Variants in RAP1GAP2 observed in about 807,000 individuals in gnomAD.
The protein encoded by RAP1GAP2 is rap1 GTPase-activating protein 2.
In RAP1GAP2, 27 loss-of-function variants were observed where a neutral mutation model predicts 95.0. The observed-to-expected ratio is 0.28, with a 90% CI of 0.21 to 0.39. RAP1GAP2 has a LOEUF of 0.39. Ranked by LOEUF, RAP1GAP2 falls within the 10% of genes least tolerant of loss-of-function variation. The pLI, the probability that RAP1GAP2 is intolerant of heterozygous loss-of-function variation, is 1.00. For missense variants in RAP1GAP2, 771 were observed against 970.0 expected, an observed-to-expected ratio of 0.79 and a Z score of 2.72; for synonymous variants, 373 against 380.9, an observed-to-expected ratio of 0.98 and a Z score of 0.24.
intron 1 of RAP1GAP2, among the ~76,000 whole-genome samples, chr17:2,770,088 AAAAAAAG>A (rs906513318): frequency 2.7e-5 from 4 of 150,648 alleles, no homozygotes; most frequent in African/African-American, 9.9e-5. Context: ...AAAAAAAAAA[AAAAAAAG>A]AAGAAGAAAG....
chr17:2,996,938 A>G (rs922418151), intron 13 of RAP1GAP2, among the ~76,000 whole-genome samples: 5 of 152,230 alleles, frequency 3.3e-5, no homozygotes, highest in Non-Finnish European at 7.3e-5. Flanking sequence ...GAACAAATGC[A>G]TAGACAGGCA....
chr17:3,031,850 G>A (rs1401107048), intron 23 of RAP1GAP2, among the ~76,000 whole-genome samples: 2 of 139,050 alleles, frequency 1.4e-5, no homozygotes, highest in Admixed American at 1.4e-4. Context: ...CCAGACTATC[G>A]AGAGCTCCAG....
intron 2 of RAP1GAP2, among the ~76,000 whole-genome samples, chr17:2,819,220 C>G (rs1483635765): frequency 6.6e-6 from 1 of 151,880 alleles, no homozygotes; most frequent in African/African-American, 2.4e-5. Flanking sequence ...CGGGGTTTCA[C>G]CGTGTTAGCC....
chr17:2,788,165 G>A (rs985486063), intron 1 of RAP1GAP2, among the ~76,000 whole-genome samples: 4 of 152,080 alleles, frequency 2.6e-5, no homozygotes, highest in African/African-American at 9.7e-5. Context: ...TTGATAGAGT[G>A]TATTAGTCAG....
Position 2,904,034 on chromosome 17 carries a change from C to T in RAP1GAP2, c.81-1250C>T, listed in dbSNP as rs539704077. 8.5e-5 allele frequency among the ~76,000 whole-genome samples: 13 copies of T among 152,228 alleles called. No individual in the cohort carries two copies. The highest frequency in any genetic ancestry group is 6.8e-3 in the Middle Eastern group (2 of 294). On this transcript the variant is annotated intron_variant, in intron 2 of 24. Transcript: ENST00000254695. The surrounding 1 kb of genome is among the most constrained non-coding windows in gnomAD (Gnocchi z 4.7). ...GCAGTGGGGGTGCTTTGATCATTTA[C>T]GCAGGACCTGGGGGTTGGGCTGACT...
At chr17:2,985,138 A>G in intron 11 of RAP1GAP2, 72 bp downstream of exon 11, 3 of 1,599,718 alleles carry the variant, frequency 1.9e-6, no homozygotes, top group Non-Finnish European at 2.6e-6. Context: ...ATCCCCACCC[A>G]GAACACAGGA....
chr17:2,812,566 C>A, intron 2 of RAP1GAP2, among the ~76,000 whole-genome samples: 1 of 152,000 alleles, frequency 6.6e-6, no homozygotes, highest in Non-Finnish European at 1.5e-5. Flanking sequence ...GTAGGGACCC[C>A]CAGCCCCCAT....
At chr17:2,767,884 C>T (rs1018916987) in intron 1 of RAP1GAP2, among the ~76,000 whole-genome samples, 10 of 152,006 alleles carry the variant, frequency 6.6e-5, no homozygotes, top group African/African-American at 2.2e-4. Flanking sequence ...AGGTACCTGC[C>T]ACCACGCCCA....
chr17:2,808,869 G>T (rs1374190033), intron 2 of RAP1GAP2, among the ~76,000 whole-genome samples: 1 of 152,134 alleles, frequency 6.6e-6, no homozygotes, highest in Admixed American at 6.5e-5. Context: ...GGACGTGAGC[G>T]CTGAGGGCCC....
chr17:2,886,161 G>GTGTGTGTA (rs1474586782), intron 2 of RAP1GAP2, among the ~76,000 whole-genome samples: 1 of 124,678 alleles, frequency 8.0e-6, no homozygotes. Flanking sequence ...GTGTGTGTGT[G>GTGTGTGTA]TATATATATA....
chr17:2,810,671 C>T (rs1374374914), intron 2 of RAP1GAP2, among the ~76,000 whole-genome samples: 1 of 151,906 alleles, frequency 6.6e-6, no homozygotes, highest in Non-Finnish European at 1.5e-5. Flanking sequence ...GCTGGGATTA[C>T]AGGCATGCGC....
chr17:2,922,280 G>T (rs1280060712), intron 3 of RAP1GAP2, among the ~76,000 whole-genome samples: 1 of 152,186 alleles, frequency 6.6e-6, no homozygotes, highest in African/African-American at 2.4e-5. Context: ...CCGTTCCCGA[G>T]GGTGGAACCT....
At chr17:2,814,317 G>A (rs2069905673) in intron 2 of RAP1GAP2, among the ~76,000 whole-genome samples, 1 of 152,124 alleles carries the variant, frequency 6.6e-6, no homozygotes, top group East Asian at 1.9e-4. Context: ...GCAGCCCGAG[G>A]GTGGAACTTG....
chr17:2,786,356 C>T (rs2068774668), intron 1 of RAP1GAP2, among the ~76,000 whole-genome samples: 1 of 152,262 alleles, frequency 6.6e-6, no homozygotes, highest in African/African-American at 2.4e-5. Flanking sequence ...TTCCCCCTCC[C>T]TTCAACCCCT....
chr17:2,761,690 G>T (rs2071251442), intron 1 of RAP1GAP2, among the ~76,000 whole-genome samples: 1 of 152,184 alleles, frequency 6.6e-6, no homozygotes, highest in South Asian at 2.1e-4. Flanking sequence ...AGAATTCAAG[G>T]ATGCTCTAGT....
rs184209654 is a variant in RAP1GAP2 at position 3,028,210 on chromosome 17, C to G, written c.2107+1140C>G. On this transcript the variant is annotated intron_variant, in intron 22 of 24. Transcript: ENST00000254695. ...AAGATGAAAGGAGCTCATGCTTGTA[C>G]GAGGCCTGGAACTGTTAACCTCGGT... is the stretch of plus-strand genomic sequence containing the variant. Among the ~76,000 whole-genome samples the G allele has an allele frequency of 1.4e-4, 21 of 152,172 alleles. No individual in the cohort carries two copies. The East Asian group carries it at 2.7e-3, about 20-fold the overall frequency.
At chr17:2,880,100 T>G (rs2073232689) in intron 2 of RAP1GAP2, among the ~76,000 whole-genome samples, 1 of 152,028 alleles carries the variant, frequency 6.6e-6, no homozygotes, top group Non-Finnish European at 1.5e-5. Context: ...GGTGCCGTGG[T>G]GGCAGAGAGC....
chr17:2,894,602 C>T lies in RAP1GAP2; in HGVS notation c.81-10682C>T, dbSNP rs527564993. On this transcript the variant is annotated intron_variant, in intron 2 of 24. Coordinates refer to ENST00000254695, the MANE Select transcript of RAP1GAP2 (RefSeq NM_015085.5). ...GGTGTCCCAGGGGCCCCTGGCTTGC[C>T]GTGCGTCCAGAAAGAGAGCCTTATC... 1.3e-4 allele frequency among the ~76,000 whole-genome samples: 20 copies of T among 152,212 alleles called. No homozygotes were observed. The East Asian group carries it at 2.1e-3, about 16-fold the overall frequency.
At chr17:2,935,723 A>C (rs896126768) in intron 3 of RAP1GAP2, among the ~76,000 whole-genome samples, 38 of 152,180 alleles carry the variant, frequency 2.5e-4, no homozygotes, top group African/African-American at 9.2e-4. Context: ...GAAGTGCCGG[A>C]GGATGGGGAT....
Sources: allele counts gnomAD v4.1 joint callset (sites outside exome capture counted in the v4.1 genomes callset), GRCh38; gene constraint gnomAD v4.1.1; non-coding constraint Gnocchi (gnomAD v3.1); transcripts MANE v1.5; gene names NCBI Gene and HGNC (gene_info 2026-07-23, HGNC 2026-07-21).